Variants in PHF24 observed in about 807,000 individuals in gnomAD.
PHF24 encodes Galpha inhibitory interacting protein.
A neutral mutation model predicts 42.6 loss-of-function variants in PHF24; 25 were observed. That is an observed-to-expected ratio of 0.59 (90% confidence interval 0.43 to 0.82). The LOEUF is 0.82. Ranked by LOEUF, PHF24 falls within the 40% of genes least tolerant of loss-of-function variation. PHF24 has a pLI of 0.00. For synonymous variants in PHF24, 185 were observed against 204.8 expected, an observed-to-expected ratio of 0.90 and a Z score of 0.83; for missense variants, 470 against 538.1, an observed-to-expected ratio of 0.87 and a Z score of 1.25.
the PHF24 span, among the ~76,000 whole-genome samples, chr9:34,873,402 C>G: frequency 2.2e-3 from 332 of 152,202 alleles, 8 homozygotes; most frequent in East Asian, 0.059. Context: ...GGAAGAGATC[C>G]AGTTTCAGCT....
At chr9:34,750,995 C>T in the PHF24 span, among the ~76,000 whole-genome samples, 3 of 152,242 alleles carry the variant, frequency 2.0e-5, no homozygotes, top group East Asian at 5.8e-4. Context: ...AAAAAACACA[C>T]TTCACCTATA....
chr9:34,728,971 G>A, the PHF24 span, among the ~76,000 whole-genome samples: 41 of 152,176 alleles, frequency 2.7e-4, 1 homozygote, highest in South Asian at 8.1e-3. Context: ...ACAACCAAAG[G>A]ACTTCTGCTT....
At chr9:34,695,144 C>T in the PHF24 span, among the ~76,000 whole-genome samples, 1 of 152,102 alleles carries the variant, frequency 6.6e-6, no homozygotes, top group Non-Finnish European at 1.5e-5. Context: ...GGTGGGGAGT[C>T]CCACCCACTC....
the PHF24 span, among the ~76,000 whole-genome samples, chr9:34,806,514 A>G: frequency 6.6e-6 from 1 of 152,090 alleles, no homozygotes; most frequent in African/African-American, 2.4e-5. Flanking sequence ...GCTGGAGTGC[A>G]GTGGCACGAT....
At chr9:34,962,239 A>G (rs1168746544) in intron 1 of PHF24, among the ~76,000 whole-genome samples, 2 of 152,218 alleles carry the variant, frequency 1.3e-5, no homozygotes, top group African/African-American at 4.8e-5. Context: ...TTATGTGAAG[A>G]CACGTTTCCT....
At chr9:34,706,502 A>G in the PHF24 span, among the ~76,000 whole-genome samples, 1 of 152,194 alleles carries the variant, frequency 6.6e-6, no homozygotes, top group African/African-American at 2.4e-5. Flanking sequence ...AGTGTGTATT[A>G]TGTGATATTT....
the PHF24 span, chr9:34,917,164 C>T: frequency 7.5e-7 from 1 of 1,333,696 alleles, no homozygotes; most frequent in Non-Finnish European, 1.1e-6. Context: ...GCACCCAGAA[C>T]ACCTTCCACC....
At chr9:34,683,471 C>G in the PHF24 span, among the ~76,000 whole-genome samples, 3 of 152,204 alleles carry the variant, frequency 2.0e-5, no homozygotes, top group Non-Finnish European at 4.4e-5. Context: ...CATCACCAGC[C>G]CTCCACTTGT....
the PHF24 span, chr9:34,923,038 GTTTTGT>G: frequency 2.4e-6 from 1 of 409,058 alleles, no homozygotes; most frequent in Non-Finnish European, 4.1e-6. Flanking sequence ...AGTTTTTTAA[GTTTTGT>G]TTTTGTTTTT....
At chr9:34,946,338 G>A in the PHF24 span, among the ~76,000 whole-genome samples, 2 of 152,114 alleles carry the variant, frequency 1.3e-5, no homozygotes, top group Non-Finnish European at 2.9e-5. Context: ...CACCTTCATG[G>A]TCAAGTCTGA....
chr9:34,928,431 A>G, the PHF24 span, among the ~76,000 whole-genome samples: 1 of 152,104 alleles, frequency 6.6e-6, no homozygotes, highest in Non-Finnish European at 1.5e-5. Flanking sequence ...ATAAATATAT[A>G]CACCTATATA....
exon 2 of PHF24, chr9:34,971,515 A>C (rs200367355): frequency 6.2e-7 from 1 of 1,614,168 alleles, no homozygotes; most frequent in East Asian, 2.2e-5. Context: ...GGAAGAGAGT[A>C]GTGCCGGCCG....
At chr9:34,938,989 T>C in the PHF24 span, among the ~76,000 whole-genome samples, 1 of 132,156 alleles carries the variant, frequency 7.6e-6, no homozygotes, top group Non-Finnish European at 1.6e-5. Flanking sequence ...AAAAATAATA[T>C]AATAAAATTG....
the PHF24 span, chr9:34,922,627 C>T: frequency 9.9e-7 from 1 of 1,005,762 alleles, no homozygotes; most frequent in South Asian, 1.3e-5. Context: ...CCAAAAGGGA[C>T]AGTACATCAT....
chr9:34,875,033 G>A, the PHF24 span, among the ~76,000 whole-genome samples: 3 of 151,948 alleles, frequency 2.0e-5, no homozygotes, highest in Admixed American at 2.0e-4. Context: ...TCACCTTATT[G>A]TGCTATCAAA....
At chr9:34,899,481 C>T in the PHF24 span, among the ~76,000 whole-genome samples, 214 of 152,298 alleles carry the variant, frequency 1.4e-3, 1 homozygote, top group South Asian at 5.4e-3. Context: ...GAAAGAGCTT[C>T]GCTGTGTCTC....
At chr9:34,666,113 G>A in the PHF24 span, 1 of 202,650 alleles carries the variant, frequency 4.9e-6, no homozygotes, top group East Asian at 1.4e-4. Context: ...GGAAGGGGTG[G>A]GGTGTTCATG....
chr9:34,838,380 C>G, the PHF24 span: 1 of 1,024,586 alleles, frequency 9.8e-7, no homozygotes. Flanking sequence ...CTTCCAAGTT[C>G]AATTCATGGT....
chr9:34,896,006 G>T, the PHF24 span, among the ~76,000 whole-genome samples: 7 of 152,152 alleles, frequency 4.6e-5, no homozygotes, highest in African/African-American at 1.7e-4. Context: ...TGGGCAACAT[G>T]TACCTTTTCA....
Sources: gnomAD v4.1 joint callset for allele counts (sites outside exome capture counted in the v4.1 genomes callset) on GRCh38, gnomAD v4.1.1 for gene constraint, MANE v1.5 for transcripts, NCBI Gene and HGNC (gene_info 2026-07-23, HGNC 2026-07-21) for gene names.